ACKR2: variants seen among roughly 807,000 people sequenced by gnomAD.
ACKR2 encodes C-C chemokine receptor D6.
For missense variants in ACKR2, 457 were observed against 477.3 expected (o/e 0.96, Z 0.40); for synonymous variants, 207 against 192.2 (o/e 1.08, Z -0.64).
chr3:42,829,620 T>C (rs1486316151), intron 2 of ACKR2, among the ~76,000 whole-genome samples: 5 of 152,178 alleles, frequency 3.3e-5, no homozygotes, highest in Non-Finnish European at 7.3e-5. Context: ...AGTTGTACCC[T>C]CTCTAATTTT....
At chr3:42,843,173 C>T (rs1195220896) in intron 2 of ACKR2, among the ~76,000 whole-genome samples, 1 of 151,822 alleles carries the variant, frequency 6.6e-6, no homozygotes, top group Non-Finnish European at 1.5e-5. Context: ...CTCCCAGGCT[C>T]AAGCGATTCT....
intron 2 of ACKR2, among the ~76,000 whole-genome samples, chr3:42,845,295 A>G (rs1191185940): frequency 2.6e-5 from 4 of 152,246 alleles, no homozygotes; most frequent in African/African-American, 9.6e-5. Flanking sequence ...GAAAAAATTC[A>G]AAGACCCTTC....
At chr3:42,811,478 T>C (rs928087111) in intron 1 of ACKR2, among the ~76,000 whole-genome samples, 1 of 152,218 alleles carries the variant, frequency 6.6e-6, no homozygotes, top group African/African-American at 2.4e-5. Context: ...CATAACGAAC[T>C]GCGGAAAGCC....
At chr3:42,833,328 A>G (rs914138966) in intron 2 of ACKR2, among the ~76,000 whole-genome samples, 1 of 152,256 alleles carries the variant, frequency 6.6e-6, no homozygotes, top group African/African-American at 2.4e-5. Context: ...TGTAATCAAC[A>G]TAACAATGAG....
At chr3:42,851,027 CTG>C (rs1462435996) in intron 2 of ACKR2, 1 of 152,284 alleles carries the variant, frequency 6.6e-6, no homozygotes, top group Non-Finnish European at 1.5e-5. Context: ...GATGAAGAAG[CTG>C]AAGGTGATGT....
intron 2 of ACKR2, among the ~76,000 whole-genome samples, chr3:42,853,128 A>G (rs1025587040): frequency 1.3e-5 from 2 of 152,222 alleles, no homozygotes; most frequent in African/African-American, 4.8e-5. Flanking sequence ...ATAAATCACA[A>G]TCTGAATATG....
chr3:42,832,868 A>G lies in ACKR2; in HGVS notation c.-38+13157A>G, dbSNP rs148961751. 1.5e-3 allele frequency among the ~76,000 whole-genome samples: 207 copies of G among 142,178 alleles called. 2 individuals carry two copies. Among genetic ancestry groups the G allele is most frequent in the Admixed American group, 9.7e-3 (140 of 14,362 alleles). The allele number at this position is 142,178 out of a possible 152,430, so 93.3% of individuals were successfully genotyped here. A position where few individuals can be genotyped will look rare whatever the true frequency, so the allele number is the denominator to read the frequency against. On this transcript the variant is annotated intron_variant, in intron 2 of 2. Transcript: ENST00000422265. Reference sequence around the variant, plus strand: ...GCCACCACACCTGGCTAATTTTTCTATTTTTATTTTTTTGAGATAGGGTCT... The same window carrying G: ...GCCACCACACCTGGCTAATTTTTCTGTTTTTATTTTTTTGAGATAGGGTCT...
At chr3:42,816,074 C>T (rs1326157534) in intron 1 of ACKR2, among the ~76,000 whole-genome samples, 1 of 152,056 alleles carries the variant, frequency 6.6e-6, no homozygotes, top group African/African-American at 2.4e-5. Flanking sequence ...AAAACCCCAA[C>T]ATTAACTGGC....
At chr3:42,825,760 G>A (rs1286135159) in intron 2 of ACKR2, among the ~76,000 whole-genome samples, 1 of 151,908 alleles carries the variant, frequency 6.6e-6, no homozygotes. Context: ...AATAAAAGTG[G>A]TGAAAGTGGG....
chr3:42,851,212 C>A, intron 2 of ACKR2: 1 of 243,332 alleles, frequency 4.1e-6, no homozygotes, highest in Non-Finnish European at 6.6e-6. Flanking sequence ...CTGAGCTTGA[C>A]TCTTATCAAT....
chr3:42,862,138 C>T lies in ACKR2; in HGVS notation c.-37-2328C>T, dbSNP rs148967375. On this transcript the variant is annotated intron_variant, in intron 2 of 2. Transcript: ENST00000422265. ...CCCCATCGCCTCAGCCCAAAATCTC[C>T]TTAAGCTGATAAGCAACTTCAGCAA... is the stretch of plus-strand genomic sequence containing the variant. Among the ~76,000 whole-genome samples the T allele has an allele frequency of 7.6e-4, 116 of 152,310 alleles. No individual in the cohort carries two copies. In the East Asian group the frequency reaches 0.02, roughly 27 times the overall value.
At chr3:42,839,592 C>A (rs564928181) in intron 2 of ACKR2, among the ~76,000 whole-genome samples, 1 of 152,254 alleles carries the variant, frequency 6.6e-6, no homozygotes, top group Non-Finnish European at 1.5e-5. Context: ...GACCGGTTAG[C>A]ATTTTTAGAA....
intron 2 of ACKR2, among the ~76,000 whole-genome samples, chr3:42,836,484 G>A (rs1575382210): frequency 6.6e-6 from 1 of 152,208 alleles, no homozygotes; most frequent in African/African-American, 2.4e-5. Flanking sequence ...GACTCCATAC[G>A]GCACCTCTAT....
At chr3:42,831,514 T>G (rs1267257080) in intron 2 of ACKR2, among the ~76,000 whole-genome samples, 2 of 152,268 alleles carry the variant, frequency 1.3e-5, no homozygotes, top group Non-Finnish European at 2.9e-5. Context: ...CCCAGGATGC[T>G]GCTTGCCAGT....
At chr3:42,821,415 C>T (rs370475683) in intron 2 of ACKR2, among the ~76,000 whole-genome samples, 1 of 151,736 alleles carries the variant, frequency 6.6e-6, no homozygotes, top group South Asian at 2.1e-4. Context: ...ACTTCCATTT[C>T]CTACGTGCAC....
chr3:42,843,436 G>A (rs1701061172), intron 2 of ACKR2, among the ~76,000 whole-genome samples: 1 of 152,142 alleles, frequency 6.6e-6, no homozygotes, highest in South Asian at 2.1e-4. Context: ...TGGTAGTTGG[G>A]TAATATTATT....
At chr3:42,861,104 A>G (rs1033312633) in intron 2 of ACKR2, among the ~76,000 whole-genome samples, 1 of 152,142 alleles carries the variant, frequency 6.6e-6, no homozygotes, top group Non-Finnish European at 1.5e-5. Context: ...AACAAAATAG[A>G]TAGACCACTA....
intron 2 of ACKR2, among the ~76,000 whole-genome samples, chr3:42,822,699 A>G (rs146740676): frequency 5.8e-4 from 88 of 152,072 alleles, no homozygotes; most frequent in African/African-American, 2.0e-3. Context: ...CTGAAATGCA[A>G]AAATTACCCA....
At chr3:42,854,456 G>A (rs1051109841) in intron 2 of ACKR2, among the ~76,000 whole-genome samples, 3 of 152,062 alleles carry the variant, frequency 2.0e-5, no homozygotes, top group Admixed American at 1.3e-4. Context: ...CTCAACCTTC[G>A]AATTTAAGTT....
Sources: allele counts gnomAD v4.1 joint callset (sites outside exome capture counted in the v4.1 genomes callset), GRCh38; gene constraint gnomAD v4.1.1; transcripts MANE v1.5; gene names NCBI Gene and HGNC (gene_info 2026-07-23, HGNC 2026-07-21).